Variants in KCNMB2 observed in about 807,000 individuals in gnomAD.
KCNMB2 encodes the protein calcium-activated potassium channel subunit beta-2.
KCNMB2 carries 9 observed loss-of-function variants against 24.5 expected under a neutral mutation model. The ratio of observed to expected loss-of-function variants is 0.37; its 90% confidence interval spans 0.22 to 0.64. The LOEUF (loss-of-function observed/expected upper bound fraction) is 0.64. Ranked by LOEUF, KCNMB2 falls within the 30% of genes least tolerant of loss-of-function variation. The pLI is 0.63. For synonymous variants in KCNMB2, 109 were observed against 104.4 expected (o/e 1.04, Z -0.27); for missense variants, 226 against 284.3 (o/e 0.79, Z 1.47).
At chr3:178,690,044 T>A (rs1721613514) in intron 1 of KCNMB2, among the ~76,000 whole-genome samples, 1 of 152,210 alleles carries the variant, frequency 6.6e-6, no homozygotes, top group Admixed American at 6.5e-5. Flanking sequence ...AAATTTTATA[T>A]AATAAAAATC....
At chr3:178,618,486 G>A (rs1486815357) in intron 1 of KCNMB2, among the ~76,000 whole-genome samples, 1 of 152,144 alleles carries the variant, frequency 6.6e-6, no homozygotes, top group Admixed American at 6.5e-5. Flanking sequence ...CAAGAGCTTC[G>A]TTCTTGCATT....
intron 1 of KCNMB2, among the ~76,000 whole-genome samples, chr3:178,758,344 GGATATATAT>G (rs1560007009): frequency 1.3e-3 from 13 of 9,682 alleles, no homozygotes; most frequent in African/African-American, 2.3e-3. Flanking sequence ...CTCCAAGAGG[GGATATATAT>G]ATATATATAT....
At chr3:178,667,567 T>C (rs1720762474) in intron 1 of KCNMB2, among the ~76,000 whole-genome samples, 1 of 152,044 alleles carries the variant, frequency 6.6e-6, no homozygotes, top group African/African-American at 2.4e-5. Context: ...GGCATTTTGT[T>C]GTAGCAGCAC....
intron 1 of KCNMB2, among the ~76,000 whole-genome samples, chr3:178,648,863 C>A (rs1032248591): frequency 1.3e-5 from 2 of 152,136 alleles, no homozygotes; most frequent in South Asian, 4.1e-4. Flanking sequence ...ATGTCCTTGG[C>A]AAAGCATGGC....
intron 4 of KCNMB2, among the ~76,000 whole-genome samples, chr3:178,841,793 A>G (rs200955878): frequency 1.3e-5 from 2 of 152,188 alleles, no homozygotes; most frequent in East Asian, 3.9e-4. Flanking sequence ...TTACAATTCA[A>G]GTGAGATTTG....
intron 1 of KCNMB2, among the ~76,000 whole-genome samples, chr3:178,720,224 T>C (rs1460106475): frequency 6.6e-6 from 1 of 151,852 alleles, no homozygotes; most frequent in East Asian, 1.9e-4. Flanking sequence ...AGTGAGAACA[T>C]GCAGTGTTTG....
intron 1 of KCNMB2, among the ~76,000 whole-genome samples, chr3:178,648,279 T>C (rs1026473960): frequency 6.6e-6 from 1 of 152,244 alleles, no homozygotes; most frequent in Non-Finnish European, 1.5e-5. Flanking sequence ...GGCTCACGCA[T>C]GTAATCCCAA....
At chr3:178,679,003 C>A (rs1357975703) in intron 1 of KCNMB2, among the ~76,000 whole-genome samples, 2 of 140,776 alleles carry the variant, frequency 1.4e-5, no homozygotes, top group Non-Finnish European at 3.2e-5. Context: ...TTGTTGTTGT[C>A]ATTGTTGTTC....
At chr3:178,799,254 A>G (rs569618299) in intron 1 of KCNMB2, among the ~76,000 whole-genome samples, 11 of 152,320 alleles carry the variant, frequency 7.2e-5, no homozygotes, top group African/African-American at 2.6e-4. Context: ...TTGTTTGAAG[A>G]CTATATAATC....
At chr3:178,782,041 T>C (rs1272046680) in intron 1 of KCNMB2, among the ~76,000 whole-genome samples, 3 of 121,040 alleles carry the variant, frequency 2.5e-5, no homozygotes, top group Non-Finnish European at 5.2e-5. Context: ...ATATGCGGTG[T>C]TTGGTTTTTT....
chr3:178,553,644 C>G (rs923991546), intron 1 of KCNMB2, among the ~76,000 whole-genome samples: 5 of 151,364 alleles, frequency 3.3e-5, no homozygotes, highest in African/African-American at 1.2e-4. Flanking sequence ...TCAAGTGATT[C>G]TCTTGCCTCA....
rs1204981777 is a variant in KCNMB2, at chr3:178,702,265, C to T, written c.-67-105078C>T. 3.4e-5 allele frequency among the ~76,000 whole-genome samples: 4 copies of T among 116,722 alleles called. No individual in the cohort carries two copies. In the South Asian group the frequency reaches 8.4e-4, roughly 24 times the overall value. The allele number at this position is 116,722 out of a possible 152,430, so 76.6% of individuals were successfully genotyped here. ...CTTGGACACAGGAAGGGGAACATCACACACTAGGGCCTGTTGTGGGGTGGG... is the reference window on the plus strand; with the variant it reads ...CTTGGACACAGGAAGGGGAACATCATACACTAGGGCCTGTTGTGGGGTGGG... On this transcript the variant is annotated intron_variant, in intron 1 of 4. Transcript: ENST00000452583.
intron 1 of KCNMB2, among the ~76,000 whole-genome samples, chr3:178,732,889 G>C (rs1389656960): frequency 3.3e-5 from 5 of 152,176 alleles, no homozygotes; most frequent in African/African-American, 1.2e-4. Context: ...CAAATAATGA[G>C]ACGAGGCTAT....
intron 1 of KCNMB2, among the ~76,000 whole-genome samples, chr3:178,544,170 C>CA (rs1439872162): frequency 6.6e-6 from 1 of 151,984 alleles, no homozygotes; most frequent in African/African-American, 2.4e-5. Flanking sequence ...CCCACATGGT[C>CA]AAAAAAATCA....
intron 1 of KCNMB2, among the ~76,000 whole-genome samples, chr3:178,539,890 C>T (rs1270946031): frequency 6.6e-6 from 1 of 152,096 alleles, no homozygotes; most frequent in Non-Finnish European, 1.5e-5. Flanking sequence ...TAAATTTCTT[C>T]TTTATCTATA....
chr3:178,578,381 C>CTAAA (rs1273925681), intron 1 of KCNMB2, among the ~76,000 whole-genome samples: 3 of 152,170 alleles, frequency 2.0e-5, no homozygotes, highest in African/African-American at 7.2e-5. Context: ...GAAGGATGCA[C>CTAAA]TAAATATGGA....
At chr3:178,737,931 T>C (rs1003335155) in intron 1 of KCNMB2, among the ~76,000 whole-genome samples, 4 of 152,136 alleles carry the variant, frequency 2.6e-5, no homozygotes, top group Non-Finnish European at 5.9e-5. Flanking sequence ...AACACTGGTA[T>C]TTAGCAAATA....
At chr3:178,775,597 T>C (rs1358345307) in intron 1 of KCNMB2, among the ~76,000 whole-genome samples, 1 of 152,212 alleles carries the variant, frequency 6.6e-6, no homozygotes, top group Admixed American at 6.5e-5. Context: ...AGATATACTA[T>C]GCAAAACATG....
At chr3:178,553,036 G>A (rs1269464913) in intron 1 of KCNMB2, among the ~76,000 whole-genome samples, 2 of 152,178 alleles carry the variant, frequency 1.3e-5, no homozygotes, top group Non-Finnish European at 2.9e-5. Flanking sequence ...CTGGATTTTT[G>A]TCACTGCTTG....
Sources: allele counts gnomAD v4.1 joint callset (sites outside exome capture counted in the v4.1 genomes callset), GRCh38; gene constraint gnomAD v4.1.1; transcripts MANE v1.5; gene names NCBI Gene and HGNC (gene_info 2026-07-23, HGNC 2026-07-21).